Variants in RIC8B observed in about 807,000 individuals in gnomAD.
RIC8B encodes RIC8 guanine nucleotide exchange factor B, also known as chaperone Ric-8B.
RIC8B carries 16 observed loss-of-function variants against 57.5 expected under a neutral mutation model. The observed-to-expected ratio is 0.28, with a 90% CI of 0.19 to 0.42. The LOEUF is 0.42. RIC8B is among the 10% of genes least tolerant of loss of function. The pLI, the probability that RIC8B is intolerant of heterozygous loss-of-function variation, is 1.00. For missense variants in RIC8B, 481 were observed against 677.0 expected, an observed-to-expected ratio of 0.71 and a Z score of 3.21; for synonymous variants, 216 against 250.8, an observed-to-expected ratio of 0.86 and a Z score of 1.31.
At chr12:106,799,894 G>A (rs1485322871) in intron 2 of RIC8B, among the ~76,000 whole-genome samples, 1 of 152,120 alleles carries the variant, frequency 6.6e-6, no homozygotes, top group Non-Finnish European at 1.5e-5. Context: ...ACCGTAGACT[G>A]TATGGCTTAA....
chr12:106,793,886 A>G (rs1459578646), intron 2 of RIC8B, among the ~76,000 whole-genome samples: 1 of 137,774 alleles, frequency 7.3e-6, no homozygotes, highest in Non-Finnish European at 1.6e-5. Context: ...AGGGAGTGCA[A>G]ATACCTAGAG....
At chr12:106,849,327 A>G (rs753332157) in intron 6 of RIC8B, among the ~76,000 whole-genome samples, 103 of 145,150 alleles carry the variant, frequency 7.1e-4, no homozygotes, top group Non-Finnish European at 1.4e-3. Flanking sequence ...TTATTTATCT[A>G]TTTTTTGTAG....
Position 106,815,012 on chromosome 12 carries a change from A to C in RIC8B, c.449A>C (p.Lys150Thr). The C allele has an allele frequency of 6.2e-7, 1 of 1,614,246 alleles. No homozygotes were observed. The highest frequency in any genetic ancestry group is 8.5e-7 in the Non-Finnish European group (1 of 1,180,042). The part of the protein sequence containing the change: ...LAAKLCNLLR[K>T]CKDRKFINDI... ...GCAAAGCTCTGTAACCTCCTGAGAA[A>C]GTGCAAGGACCGGAAATTTATCAAT... is the stretch of plus-strand genomic sequence containing the variant. The change falls in exon 3 of 10, where the codon AAG becomes ACG. Residue 150 changes from lysine to threonine, a missense_variant. Around this residue, in one of 3 missense-constraint regions of RIC8B, gnomAD observed 421 missense variants for 560.9 expected, o/e 0.75. Transcript: ENST00000392837.
chr12:106,819,751 AAAG>A (rs1327883886), intron 3 of RIC8B, among the ~76,000 whole-genome samples: 2 of 149,002 alleles, frequency 1.3e-5, no homozygotes, highest in East Asian at 1.9e-4. Context: ...AAAAAAAAAA[AAAG>A]AGGAGGAGGA....
At chr12:106,836,183 C>G (rs1217830358) in intron 4 of RIC8B, among the ~76,000 whole-genome samples, 1 of 152,198 alleles carries the variant, frequency 6.6e-6, no homozygotes, top group Non-Finnish European at 1.5e-5. Flanking sequence ...TCTTACCTAA[C>G]TAATTGTAAA....
At chr12:106,795,230 A>G (rs1004227750) in intron 2 of RIC8B, among the ~76,000 whole-genome samples, 1 of 152,234 alleles carries the variant, frequency 6.6e-6, no homozygotes, top group Non-Finnish European at 1.5e-5. Flanking sequence ...GTATATAACA[A>G]TAATACTATA....
intron 7 of RIC8B, among the ~76,000 whole-genome samples, chr12:106,858,740 C>T (rs1949812765): frequency 6.6e-6 from 1 of 151,976 alleles, no homozygotes; most frequent in African/African-American, 2.4e-5. Flanking sequence ...CTCATTAGCC[C>T]ATGTTTCCTT....
chr12:106,864,227 C>A (rs1483689911), intron 8 of RIC8B, among the ~76,000 whole-genome samples: 1 of 152,072 alleles, frequency 6.6e-6, no homozygotes, highest in Non-Finnish European at 1.5e-5. Flanking sequence ...ATTTAAAGCA[C>A]ACGCCACAAA....
At chr12:106,838,010 G>T (rs1394571642) in intron 4 of RIC8B, among the ~76,000 whole-genome samples, 1 of 152,138 alleles carries the variant, frequency 6.6e-6, no homozygotes, top group African/African-American at 2.4e-5. Context: ...TACACAAAAA[G>T]CTGTACATAG....
intron 9 of RIC8B, 27 bp from the exon 10 acceptor site, chr12:106,885,877 T>C (rs944122034): frequency 3.0e-5 from 44 of 1,478,224 alleles, no homozygotes; most frequent in African/African-American, 5.5e-5. Flanking sequence ...ATACTTTTTT[T>C]TCTCTCTCTT....
intron 2 of RIC8B, among the ~76,000 whole-genome samples, chr12:106,787,673 G>A (rs1373192609): frequency 1.3e-5 from 2 of 152,028 alleles, no homozygotes; most frequent in Admixed American, 1.3e-4. Context: ...ATGCAAAAGT[G>A]GAAACCCCCG....
intron 6 of RIC8B, among the ~76,000 whole-genome samples, chr12:106,846,723 C>CAAA (rs35399211): frequency 0.017 from 2,073 of 120,488 alleles, 22 homozygotes; most frequent in Non-Finnish European, 0.019. Flanking sequence ...ACAGAACAGC[C>CAAA]AAAAAAAAAA....
At chr12:106,854,045 C>T (rs888229740) in intron 7 of RIC8B, among the ~76,000 whole-genome samples, 4 of 152,050 alleles carry the variant, frequency 2.6e-5, no homozygotes, top group African/African-American at 9.7e-5. Context: ...GTTGGGGAGA[C>T]AATTGGCTGG....
chr12:106,784,997 T>C (rs1332770486), intron 2 of RIC8B, among the ~76,000 whole-genome samples: 1 of 152,242 alleles, frequency 6.6e-6, no homozygotes, highest in Non-Finnish European at 1.5e-5. Flanking sequence ...CATGCTTTTC[T>C]AGTAGATTGG....
At chr12:106,810,951 C>T (rs2045310789) in intron 2 of RIC8B, among the ~76,000 whole-genome samples, 2 of 152,110 alleles carry the variant, frequency 1.3e-5, no homozygotes, top group African/African-American at 2.4e-5. Context: ...GAAGAAGAGC[C>T]AAGATTTGCA....
chr12:106,870,805 T>A lies in RIC8B; in HGVS notation c.1452-18T>A, dbSNP rs1033139424. On this transcript the variant is annotated intron_variant, in intron 8 of 9. Coordinates refer to ENST00000392837, the MANE Select transcript of RIC8B (RefSeq NM_001330145.2). ...ATAATTTTAAAACATACAGCATAAC[T>A]TTTTTTTCTTTTTGTAGCATTAATC... 2.6e-5 allele frequency: 39 copies of A among 1,479,514 alleles called. No individual in the cohort carries two copies. Among genetic ancestry groups the A allele is most frequent in the Non-Finnish European group, 3.3e-5 (37 of 1,110,878 alleles). The allele number at this position is 1,479,514 out of a possible 1,614,324, so 91.6% of individuals were successfully genotyped here.
intron 7 of RIC8B, among the ~76,000 whole-genome samples, chr12:106,859,776 T>C (rs1322768722): frequency 6.6e-6 from 1 of 152,152 alleles, no homozygotes; most frequent in African/African-American, 2.4e-5. Flanking sequence ...TTATCACCTA[T>C]GCTATTTGCT....
At chr12:106,803,008 G>A (rs2044808183) in intron 2 of RIC8B, among the ~76,000 whole-genome samples, 1 of 151,910 alleles carries the variant, frequency 6.6e-6, no homozygotes, top group Non-Finnish European at 1.5e-5. Flanking sequence ...AAGGCTTGGA[G>A]TTTGAAACCA....
intron 1 of RIC8B, among the ~76,000 whole-genome samples, chr12:106,781,181 C>T (rs899818995): frequency 6.6e-6 from 1 of 152,060 alleles, no homozygotes; most frequent in African/African-American, 2.4e-5. Context: ...AACTCCTGGT[C>T]TCAAGCCATC....
Sources: gnomAD v4.1 joint callset for allele counts (sites outside exome capture counted in the v4.1 genomes callset) on GRCh38, gnomAD v4.1.1 for gene constraint, gnomAD v4.1.1 regional missense constraint, MANE v1.5 for transcripts, NCBI Gene and HGNC (gene_info 2026-07-23, HGNC 2026-07-21) for gene names.